The following PAXIP1 variants were observed in gnomAD, a reference collection of about 807,000 sequenced individuals.
PAXIP1 encodes PAX interacting protein 1.
PAXIP1 carries 19 observed loss-of-function variants against 140.6 expected under a neutral mutation model. The observed-to-expected ratio is 0.14, with a 90% CI of 0.09 to 0.20. PAXIP1 has a LOEUF of 0.20. PAXIP1 is among the 10% of genes least tolerant of loss of function. The pLI is 1.00. For synonymous variants in PAXIP1, 442 were observed against 444.6 expected (o/e 0.99, Z 0.07); for missense variants, 920 against 1,208.6 (o/e 0.76, Z 3.54).
intron 4 of PAXIP1, among the ~76,000 whole-genome samples, chr7:154,985,799 A>G (rs189394483): frequency 1.3e-3 from 193 of 152,306 alleles, no homozygotes; most frequent in African/African-American, 4.3e-3. Flanking sequence ...AGTCTTGACT[A>G]TGAACTCTAA....
At chr7:154,977,976 C>T (rs1465792672) in intron 5 of PAXIP1, among the ~76,000 whole-genome samples, 1 of 141,472 alleles carries the variant, frequency 7.1e-6, no homozygotes, top group Non-Finnish European at 1.6e-5. Context: ...TGTACATTTT[C>T]GAACGCAGAC....
chr7:154,969,181 G>A (rs1809180236), intron 6 of PAXIP1, 55 bp from the exon 7 acceptor site: 1 of 1,421,010 alleles, frequency 7.0e-7, no homozygotes, highest in Non-Finnish European at 9.2e-7. Flanking sequence ...ACAGATGAAT[G>A]ATAATTTCTT....
chr7:154,949,123 A>C (rs903698544), intron 16 of PAXIP1: 7 of 152,178 alleles, frequency 4.6e-5, no homozygotes, highest in African/African-American at 1.7e-4. Flanking sequence ...AGGCAGCTCA[A>C]ACCCAATAAT....
Position 154,956,822 on chromosome 7 carries a change from C to T in PAXIP1, c.2549+402G>A, listed in dbSNP as rs1488624331. On this transcript the variant is annotated intron_variant, in intron 14 of 20. Coordinates refer to ENST00000404141, the MANE Select transcript of PAXIP1 (RefSeq NM_007349.4). This position sits in a 1 kb window ranked among gnomAD's most constrained non-coding sequence, Gnocchi z 4.2. ...CTCTCTCGGCACCTACATGCTCTCT[C>T]GGCAGCCTACATGCTCTCTCGGCAG... is the stretch of plus-strand genomic sequence containing the variant. 4.4e-5 allele frequency: 7 copies of T among 158,174 alleles called. No individual in the cohort carries two copies. Among genetic ancestry groups the T allele is most frequent in the South Asian group, 3.8e-4 (2 of 5,326 alleles). 9.8% of individuals were successfully genotyped at this position (158,174 alleles called of 1,614,324 possible). A position where few individuals can be genotyped will look rare whatever the true frequency, so the allele number is the denominator to read the frequency against.
chr7:154,968,361 C>G, intron 7 of PAXIP1, 42 bp downstream of exon 7: 1 of 1,482,314 alleles, frequency 6.7e-7, no homozygotes, highest in Non-Finnish European at 9.0e-7. Flanking sequence ...TATGTGGGTA[C>G]AAGACTTTTA....
chr7:154,971,615 A>C (rs1481063895), intron 6 of PAXIP1, among the ~76,000 whole-genome samples: 4 of 152,242 alleles, frequency 2.6e-5, no homozygotes, highest in African/African-American at 9.6e-5. Context: ...TAATTGCTCA[A>C]TTACGTAATT....
chr7:154,962,523 T>C, intron 9 of PAXIP1, 65 bp from the exon 10 acceptor site: 1 of 1,443,114 alleles, frequency 6.9e-7, no homozygotes, highest in Non-Finnish European at 9.5e-7. Context: ...AAGAAAATTC[T>C]AAGGTTGTAT....
intron 6 of PAXIP1, among the ~76,000 whole-genome samples, chr7:154,975,335 G>A (rs1809520746): frequency 6.6e-6 from 1 of 152,060 alleles, no homozygotes; most frequent in Non-Finnish European, 1.5e-5. Context: ...AAGCAAATCA[G>A]GTACAGCTGG....
chr7:155,002,849 C>A lies in PAXIP1; in HGVS notation c.81G>T (p.Gln27His). ...KYYAVGDIDP[Q>H]VIQLLKAGKA... Reference sequence around the variant, plus strand: ...GCCGCGGCAGGGGCGGGCGCGGTACCTGCGGGTCGATGTCGCCCACCGCGT... The same window carrying A: ...GCCGCGGCAGGGGCGGGCGCGGTACATGCGGGTCGATGTCGCCCACCGCGT... The change falls in exon 1 of 21, where the codon CAG becomes CAT. Residue 27 changes from glutamine (Q) to histidine (H), a missense_variant and splice_region_variant. By Grantham distance (24) the Gln-to-His change is conservative (BLOSUM62 0). Coordinates refer to ENST00000404141, the MANE Select transcript of PAXIP1 (RefSeq NM_007349.4). The A allele has an allele frequency of 7.2e-7, 1 of 1,390,416 alleles. No individual in the cohort carries two copies. The highest frequency in any genetic ancestry group is 2.3e-5 in the Admixed American group (1 of 43,812). The allele number at this position is 1,390,416 out of a possible 1,614,324, so 86.1% of individuals were successfully genotyped here.
chr7:154,950,819 GAA>G (rs1213904043), intron 16 of PAXIP1: 1 of 152,266 alleles, frequency 6.6e-6, no homozygotes, highest in Non-Finnish European at 1.5e-5. Context: ...ATGAAGCCAT[GAA>G]AAGACATGGA....
chr7:154,984,218 C>T (rs1050007305), intron 4 of PAXIP1, among the ~76,000 whole-genome samples: 3 of 152,072 alleles, frequency 2.0e-5, no homozygotes, highest in Non-Finnish European at 4.4e-5. Context: ...TCTCTAAGGG[C>T]AGTTACTGCT....
intron 9 of PAXIP1, chr7:154,962,688 C>T (rs962634777): frequency 1.6e-5 from 6 of 371,576 alleles, no homozygotes; most frequent in Non-Finnish European, 2.5e-5. Flanking sequence ...ACAAAAGCAA[C>T]AAATTCTACA....
At chr7:154,977,317 C>T (rs190326857) in intron 5 of PAXIP1, among the ~76,000 whole-genome samples, 5 of 152,272 alleles carry the variant, frequency 3.3e-5, no homozygotes, top group Non-Finnish European at 7.4e-5. Flanking sequence ...AAAAGCTTAA[C>T]ACATAACAGC....
chr7:154,944,170 C>A lies in PAXIP1; in HGVS notation c.3195-6G>T. ...GCCATCAGTTAAACTTATATGTAGG[C>A]TTGTTGAGGAAAACGACTTTCAAAC... On this transcript the variant is annotated splice_polypyrimidine_tract_variant and splice_region_variant and intron_variant, in intron 20 of 20. Transcript: ENST00000404141. The A allele has an allele frequency of 6.3e-7, 1 of 1,599,444 alleles. No individual in the cohort carries two copies. Among genetic ancestry groups the A allele is most frequent in the Non-Finnish European group, 8.5e-7 (1 of 1,170,870 alleles).
rs746772280 is a variant in PAXIP1 at position 154,956,888 on chromosome 7, G to A, written c.2549+336C>T. On this transcript the variant is annotated intron_variant, in intron 14 of 20. Transcript: ENST00000404141. This position sits in a 1 kb window ranked among gnomAD's most constrained non-coding sequence, Gnocchi z 4.2. ...GGCATGTACAGCAGGTTCTTCAGCC[G>A]TGCCCAGGAGGCCTGGGGCTCCGTG... 39 of 193,004 alleles carry A rather than the reference G, an allele frequency of 2.0e-4. No homozygotes were observed. The highest frequency in any genetic ancestry group is 3.2e-4 in the Non-Finnish European group (30 of 94,926). 12.0% of individuals were successfully genotyped at this position (193,004 alleles called of 1,614,324 possible).
Position 154,954,445 on chromosome 7 carries a change from C to G in PAXIP1, c.2653-22G>C, listed in dbSNP as rs375093756. The G allele has an allele frequency of 6.8e-7, 1 of 1,462,846 alleles. No individual in the cohort carries two copies. The highest frequency in any genetic ancestry group is 2.2e-5 in the Admixed American group (1 of 46,274). The allele number at this position is 1,462,846 out of a possible 1,614,324, so 90.6% of individuals were successfully genotyped here. A position where few individuals can be genotyped will look rare whatever the true frequency, so the allele number is the denominator to read the frequency against. ...GCTTCTAAAGGTCACAAACACAGGT[C>G]GGAAATGAAAAAGTTCAGCATCCAC... On this transcript the variant is annotated intron_variant, in intron 15 of 20. Coordinates refer to ENST00000404141, the MANE Select transcript of PAXIP1 (RefSeq NM_007349.4). The surrounding 1 kb of genome is among the most constrained non-coding windows in gnomAD (Gnocchi z 5.1).
intron 5 of PAXIP1, among the ~76,000 whole-genome samples, chr7:154,982,077 T>G (rs1809864571): frequency 6.6e-6 from 1 of 152,216 alleles, no homozygotes. Flanking sequence ...AAATTAACTA[T>G]GTAAAAATCA....
At chr7:154,971,976 C>T (rs1156483611) in intron 6 of PAXIP1, among the ~76,000 whole-genome samples, 2 of 152,238 alleles carry the variant, frequency 1.3e-5, no homozygotes, top group Non-Finnish European at 2.9e-5. Flanking sequence ...AATCCATTCA[C>T]TCACTAGAAA....
intron 4 of PAXIP1, among the ~76,000 whole-genome samples, chr7:154,988,992 A>G (rs1201502779): frequency 6.6e-6 from 1 of 152,224 alleles, no homozygotes; most frequent in East Asian, 1.9e-4. Context: ...TTCTCATTTT[A>G]GCCAACTTTA....
Sources: allele counts gnomAD v4.1 joint callset (sites outside exome capture counted in the v4.1 genomes callset), GRCh38; gene constraint gnomAD v4.1.1; non-coding constraint Gnocchi (gnomAD v3.1); transcripts MANE v1.5; gene names NCBI Gene and HGNC (gene_info 2026-07-23, HGNC 2026-07-21).